The following FAM178B variants were observed in gnomAD, a reference collection of about 807,000 sequenced individuals.
The protein encoded by FAM178B is family with sequence similarity 178 member B, also known as protein FAM178B.
FAM178B carries 82 observed loss-of-function variants against 91.7 expected under a neutral mutation model. The ratio of observed to expected loss-of-function variants is 0.89; its 90% CI spans 0.75 to 1.07. FAM178B has a LOEUF of 1.07. Ranked by LOEUF, FAM178B falls within the 50% of genes least tolerant of loss-of-function variation. FAM178B has a pLI of 0.00. For missense variants in FAM178B, 769 were observed against 846.7 expected (o/e 0.91, Z 1.14); for synonymous variants, 368 against 359.4 (o/e 1.02, Z -0.27).
At chr2:96,907,061 TG>T (rs2081070969) in intron 12 of FAM178B, among the ~76,000 whole-genome samples, 1 of 151,872 alleles carries the variant, frequency 6.6e-6, no homozygotes, top group East Asian at 2.0e-4. Context: ...AGGATGGGGC[TG>T]TTATCCAGAA....
At position 96,960,338 on chromosome 2, in the gene FAM178B, C is replaced by T. The variant is rs749603054; in HGVS notation, c.837G>A (p.Leu279=). 1.3e-6 allele frequency: 2 copies of T among 1,551,666 alleles called. No individual in the cohort carries two copies. The highest frequency in any genetic ancestry group is 2.0e-5 in the Admixed American group (1 of 50,972). ...TGCGTGGCTTCAGGAGTGAGGAGTC[C>T]AGGATGCATGGCAGGGGGTGACACC... ...LPRCHPLPCI[L]DSSLLKPRSH... The change falls in exon 6 of 17, where the codon CTG becomes CTA. Residue 279 remains leucine (L), a synonymous_variant. Transcript: ENST00000490605.
chr2:96,968,458 C>T (rs1189756644), intron 4 of FAM178B, among the ~76,000 whole-genome samples: 2 of 152,130 alleles, frequency 1.3e-5, no homozygotes, highest in South Asian at 2.1e-4. Flanking sequence ...GCCTCCCCAG[C>T]CCCTGTCTGG....
chr2:96,940,563 A>G (rs2081711611), intron 8 of FAM178B, among the ~76,000 whole-genome samples: 1 of 152,226 alleles, frequency 6.6e-6, no homozygotes, highest in Non-Finnish European at 1.5e-5. Context: ...CAGCCCACAA[A>G]GAGTACCTAC....
chr2:96,898,399 A>T (rs987364998), intron 13 of FAM178B, among the ~76,000 whole-genome samples: 7 of 152,182 alleles, frequency 4.6e-5, no homozygotes, highest in Non-Finnish European at 1.0e-4. Context: ...TTATGCCTGT[A>T]ATCTCAGCAC....
At chr2:96,896,183 C>G (rs552973654) in intron 13 of FAM178B, among the ~76,000 whole-genome samples, 1 of 152,318 alleles carries the variant, frequency 6.6e-6, no homozygotes, top group Non-Finnish European at 1.5e-5. Context: ...CGGGACCCTC[C>G]CTGCTACGGG....
At chr2:96,920,048 T>A (rs1017108940) in intron 12 of FAM178B, among the ~76,000 whole-genome samples, 1 of 151,964 alleles carries the variant, frequency 6.6e-6, no homozygotes, top group African/African-American at 2.4e-5. Flanking sequence ...CAGAGGTGTC[T>A]GCCAAAGTTG....
intron 6 of FAM178B, among the ~76,000 whole-genome samples, chr2:96,958,261 G>T (rs1002775896): frequency 6.6e-6 from 1 of 152,016 alleles, no homozygotes; most frequent in East Asian, 1.9e-4. Context: ...TAGTAGAGAC[G>T]TGGTTTCACC....
At chr2:96,979,856 C>T (rs1041776415) in intron 1 of FAM178B, among the ~76,000 whole-genome samples, 3 of 152,190 alleles carry the variant, frequency 2.0e-5, no homozygotes, top group African/African-American at 7.2e-5. Flanking sequence ...TGCACTGAGT[C>T]ACATTTCTGT....
At chr2:96,975,613 T>C (rs2153376028) in intron 1 of FAM178B, among the ~76,000 whole-genome samples, 1 of 152,344 alleles carries the variant, frequency 6.6e-6, no homozygotes, top group South Asian at 2.1e-4. Context: ...AATAAATTAT[T>C]GTAAACTATA....
chr2:96,901,398 T>C (rs1014104906), intron 13 of FAM178B, among the ~76,000 whole-genome samples: 1 of 152,052 alleles, frequency 6.6e-6, no homozygotes, highest in Admixed American at 6.5e-5. Context: ...GGTCTCGAAC[T>C]CCTGACCTCA....
intron 7 of FAM178B, among the ~76,000 whole-genome samples, chr2:96,950,524 T>A (rs771100219): frequency 1.3e-5 from 2 of 152,146 alleles, no homozygotes; most frequent in Non-Finnish European, 2.9e-5. Context: ...TGGCTCTGAT[T>A]TACAGCTGGG....
chr2:96,880,181 C>A (rs998468082), intron 14 of FAM178B, among the ~76,000 whole-genome samples: 2 of 152,166 alleles, frequency 1.3e-5, no homozygotes, highest in East Asian at 1.9e-4. Flanking sequence ...GCGAGTACAA[C>A]TTAGAGGCTT....
At chr2:96,907,044 G>C (rs1235793723) in intron 12 of FAM178B, among the ~76,000 whole-genome samples, 3 of 152,168 alleles carry the variant, frequency 2.0e-5, no homozygotes, top group Non-Finnish European at 4.4e-5. Context: ...GGCGGGCAGG[G>C]TGGGTCAGGA....
At chr2:96,944,983 C>T (rs148345012) in intron 8 of FAM178B, among the ~76,000 whole-genome samples, 21 of 152,282 alleles carry the variant, frequency 1.4e-4, no homozygotes, top group African/African-American at 4.1e-4. Context: ...TTCCTCTTCC[C>T]GTTGCCTCCT....
chr2:96,936,226 G>T (rs1316990985), intron 8 of FAM178B, among the ~76,000 whole-genome samples: 3 of 151,958 alleles, frequency 2.0e-5, no homozygotes, highest in African/African-American at 4.8e-5. Context: ...TTTTGAGACG[G>T]AGTCTCGCTC....
At chr2:96,953,205 A>G (rs1195038752) in intron 6 of FAM178B, among the ~76,000 whole-genome samples, 1 of 152,228 alleles carries the variant, frequency 6.6e-6, no homozygotes, top group Non-Finnish European at 1.5e-5. Context: ...GGCATGCTCC[A>G]TTCTATCCAC....
chr2:96,966,160 T>C (rs1398641378), intron 5 of FAM178B, among the ~76,000 whole-genome samples: 1 of 151,690 alleles, frequency 6.6e-6, no homozygotes, highest in Non-Finnish European at 1.5e-5. Flanking sequence ...AGCCCCCTCC[T>C]CCAGGCTCCC....
At chr2:96,884,144 C>A (rs977607285) in intron 14 of FAM178B, among the ~76,000 whole-genome samples, 6 of 152,140 alleles carry the variant, frequency 3.9e-5, no homozygotes, top group African/African-American at 1.4e-4. Context: ...GCATCCTGAT[C>A]CAGTAGCGCA....
At chr2:96,893,167 G>A (rs1408105913) in intron 14 of FAM178B, among the ~76,000 whole-genome samples, 5 of 152,156 alleles carry the variant, frequency 3.3e-5, no homozygotes, top group Non-Finnish European at 7.4e-5. Context: ...CAATTATAAC[G>A]ATCCCTATCT....
Sources: allele counts gnomAD v4.1 joint callset (sites outside exome capture counted in the v4.1 genomes callset), GRCh38; gene constraint gnomAD v4.1.1; transcripts MANE v1.5; gene names NCBI Gene and HGNC (gene_info 2026-07-23, HGNC 2026-07-21).